Variants in SLC4A10 observed in about 807,000 individuals in gnomAD.
SLC4A10 encodes the protein sodium-driven chloride bicarbonate exchanger.
SLC4A10 carries 42 observed loss-of-function variants against 137.7 expected under a neutral mutation model. That is an observed-to-expected ratio of 0.30 (90% CI 0.24 to 0.39). SLC4A10 has a LOEUF of 0.39. Ranked by LOEUF, SLC4A10 falls within the 10% of genes least tolerant of loss-of-function variation. The probability of loss-of-function intolerance (pLI) is 1.00; values close to 1 mark genes in which losing one functional copy is unlikely to be tolerated. For missense variants in SLC4A10, 925 were observed against 1,355.0 expected (o/e 0.68, Z 4.98); for synonymous variants, 474 against 464.1 (o/e 1.02, Z -0.27).
intron 1 of SLC4A10, among the ~76,000 whole-genome samples, chr2:161,697,157 G>C (rs1200319996): frequency 6.6e-6 from 1 of 151,328 alleles, no homozygotes; most frequent in Non-Finnish European, 1.5e-5. Flanking sequence ...GGGGTTTTTT[G>C]TTTTTTTCTT....
At chr2:161,743,167 T>C (rs1425273492) in intron 1 of SLC4A10, among the ~76,000 whole-genome samples, 1 of 152,178 alleles carries the variant, frequency 6.6e-6, no homozygotes, top group African/African-American at 2.4e-5. Context: ...CTGTGCTTTT[T>C]GGGTATCACT....
chr2:161,866,129 T>C (rs2125903826), intron 6 of SLC4A10, among the ~76,000 whole-genome samples: 1 of 152,164 alleles, frequency 6.6e-6, no homozygotes, highest in South Asian at 2.1e-4. Flanking sequence ...GAAGCTTATG[T>C]AGATAAACCT....
At chr2:161,831,407 T>C (rs999352898) in intron 3 of SLC4A10, among the ~76,000 whole-genome samples, 2 of 152,178 alleles carry the variant, frequency 1.3e-5, no homozygotes, top group Admixed American at 6.5e-5. Context: ...TACCAGATGT[T>C]TTATTGAACT....
At chr2:161,817,597 G>A (rs1415976471) in intron 3 of SLC4A10, among the ~76,000 whole-genome samples, 3 of 152,104 alleles carry the variant, frequency 2.0e-5, no homozygotes, top group Non-Finnish European at 4.4e-5. Context: ...TTTCTTCTAG[G>A]GTTTTTATGG....
intron 2 of SLC4A10, among the ~76,000 whole-genome samples, chr2:161,779,191 C>T (rs1185345568): frequency 6.6e-6 from 1 of 151,870 alleles, no homozygotes; most frequent in East Asian, 1.9e-4. Flanking sequence ...GGAGATAATC[C>T]ATTTTTATGA....
intron 15 of SLC4A10, among the ~76,000 whole-genome samples, chr2:161,917,026 C>T (rs1195673515): frequency 1.3e-5 from 2 of 152,130 alleles, no homozygotes; most frequent in South Asian, 2.1e-4. Context: ...TTTCCTTGTG[C>T]TCCTTTGCAG....
At chr2:161,919,490 T>A (rs1283010458) in intron 15 of SLC4A10, among the ~76,000 whole-genome samples, 2 of 152,012 alleles carry the variant, frequency 1.3e-5, no homozygotes, top group African/African-American at 4.8e-5. Context: ...AACCCCAGAC[T>A]CAGCCAGAAT....
chr2:161,833,339 C>G (rs2058559116), intron 3 of SLC4A10, among the ~76,000 whole-genome samples: 1 of 152,112 alleles, frequency 6.6e-6, no homozygotes, highest in Admixed American at 6.5e-5. Flanking sequence ...ATAACTTTGG[C>G]CCTTTTATGG....
intron 1 of SLC4A10, among the ~76,000 whole-genome samples, chr2:161,650,494 A>C (rs2036637529): frequency 6.6e-6 from 1 of 151,694 alleles, no homozygotes; most frequent in Non-Finnish European, 1.5e-5. Context: ...TACCGAGTTT[A>C]CTGGACAGGG....
intron 2 of SLC4A10, among the ~76,000 whole-genome samples, chr2:161,774,966 G>A (rs945142589): frequency 6.6e-5 from 10 of 151,836 alleles, no homozygotes; most frequent in Non-Finnish European, 1.2e-4. Context: ...CACCACATTG[G>A]TTATTTAGCT....
intron 11 of SLC4A10, among the ~76,000 whole-genome samples, chr2:161,898,724 T>C (rs2063771783): frequency 6.6e-6 from 1 of 152,144 alleles, no homozygotes. Flanking sequence ...TCTTCTCTCA[T>C]GTCGTGTACT....
chr2:161,938,447 C>T (rs970048817), intron 15 of SLC4A10, among the ~76,000 whole-genome samples: 1 of 151,718 alleles, frequency 6.6e-6, no homozygotes, highest in African/African-American at 2.4e-5. Flanking sequence ...CATGCAAAAT[C>T]ACATCCGAGT....
At chr2:161,853,532 T>A (rs1009190533) in intron 4 of SLC4A10, among the ~76,000 whole-genome samples, 1 of 152,178 alleles carries the variant, frequency 6.6e-6, no homozygotes, top group South Asian at 2.1e-4. Context: ...GTTCTACACT[T>A]TCCTAGGAAG....
chr2:161,944,309 G>A (rs2105773542), intron 16 of SLC4A10, among the ~76,000 whole-genome samples: 1 of 151,838 alleles, frequency 6.6e-6, no homozygotes, highest in South Asian at 2.1e-4. Flanking sequence ...AGAGCCTCTT[G>A]ATGTCTTCTT....
At chr2:161,882,226 A>T (rs967123144) in intron 9 of SLC4A10, 131 bp from the exon 10 acceptor site, 74 of 566,936 alleles carry the variant, frequency 1.3e-4, no homozygotes, top group African/African-American at 1.3e-3. Context: ...ATAATGAACT[A>T]TGAAAAACTA....
chr2:161,812,428 G>T (rs1368266395), intron 3 of SLC4A10, among the ~76,000 whole-genome samples: 1 of 151,852 alleles, frequency 6.6e-6, no homozygotes, highest in East Asian at 1.9e-4. Flanking sequence ...TGAGTATGTT[G>T]TATGATGCTG....
chr2:161,701,625 A>T (rs1260131560), intron 1 of SLC4A10, among the ~76,000 whole-genome samples: 4 of 151,938 alleles, frequency 2.6e-5, no homozygotes, highest in Non-Finnish European at 5.9e-5. Flanking sequence ...GCAGTAAGTT[A>T]TTGTTGACTA....
intron 1 of SLC4A10, among the ~76,000 whole-genome samples, chr2:161,770,746 G>A (rs187235432): frequency 6.6e-6 from 1 of 151,630 alleles, no homozygotes; most frequent in African/African-American, 2.4e-5. Flanking sequence ...ATGTTTGACT[G>A]CCTCCAATGT....
Position 161,945,208 on chromosome 2 carries a change from A to G in SLC4A10, c.2103+2311A>G, listed in dbSNP as rs866781719. On this transcript the variant is annotated intron_variant, in intron 16 of 26. Transcript: ENST00000446997. ...TATATATATATATATATATATATAT[A>G]TATATATATATATATATATATATAT... 7.5e-4 allele frequency among the ~76,000 whole-genome samples: 91 copies of G among 121,992 alleles called. 2 individuals are homozygous for G. The highest frequency in any genetic ancestry group is 3.7e-3 in the Middle Eastern group (1 of 270). 80.0% of individuals were successfully genotyped at this position (121,992 alleles called of 152,430 possible). A position where few individuals can be genotyped will look rare whatever the true frequency, so the allele number is the denominator to read the frequency against.
Sources: allele counts gnomAD v4.1 joint callset (sites outside exome capture counted in the v4.1 genomes callset), GRCh38; gene constraint gnomAD v4.1.1; transcripts MANE v1.5; gene names NCBI Gene and HGNC (gene_info 2026-07-23, HGNC 2026-07-21).